The following ASTN2 variants were observed in gnomAD, a reference collection of about 807,000 sequenced individuals.
ASTN2 encodes the protein astrotactin-2.
In ASTN2, 54 loss-of-function variants were observed where a neutral mutation model predicts 139.8. The ratio of observed to expected loss-of-function variants is 0.39; its 90% CI spans 0.31 to 0.48. The LOEUF is 0.48. Among genes scored for constraint, ASTN2 ranks in the 20% least tolerant of loss-of-function variants. The probability of loss-of-function intolerance (pLI) is 0.95; values close to 1 mark genes in which losing one functional copy is unlikely to be tolerated. For synonymous variants in ASTN2, 756 were observed against 719.5 expected (o/e 1.05, Z -0.81); for missense variants, 1,565 against 1,725.1 (o/e 0.91, Z 1.64).
At chr9:116,539,142 ATC>A (rs1000361175) in intron 19 of ASTN2, among the ~76,000 whole-genome samples, 5 of 152,188 alleles carry the variant, frequency 3.3e-5, no homozygotes, top group African/African-American at 9.7e-5. Flanking sequence ...GAGTAGGCAA[ATC>A]AACAAAGACA....
At chr9:116,453,277 T>C (rs955191687) in intron 20 of ASTN2, among the ~76,000 whole-genome samples, 26 of 152,120 alleles carry the variant, frequency 1.7e-4, no homozygotes, top group African/African-American at 6.3e-4. Context: ...GAGTCAACAA[T>C]ACTTGCCTCA....
intron 2 of ASTN2, among the ~76,000 whole-genome samples, chr9:117,273,595 A>G (rs550387071): frequency 3.9e-5 from 6 of 152,336 alleles, no homozygotes; most frequent in Non-Finnish European, 7.3e-5. Context: ...AGCAGCCAAA[A>G]AGACGGGGCC....
chr9:117,089,265 G>A (rs1391044551), intron 5 of ASTN2, among the ~76,000 whole-genome samples: 1 of 152,200 alleles, frequency 6.6e-6, no homozygotes, highest in Non-Finnish European at 1.5e-5. Flanking sequence ...TAATGGTGAG[G>A]TGTGGACTTG....
intron 17 of ASTN2, among the ~76,000 whole-genome samples, chr9:116,643,551 T>C (rs887956508): frequency 6.6e-6 from 1 of 152,216 alleles, no homozygotes; most frequent in Admixed American, 6.5e-5. Context: ...CTTTGAAATC[T>C]TACAGACCTG....
At chr9:116,731,991 C>T (rs1374459728) in intron 14 of ASTN2, among the ~76,000 whole-genome samples, 1 of 152,058 alleles carries the variant, frequency 6.6e-6, no homozygotes, top group Non-Finnish European at 1.5e-5. Flanking sequence ...CATGTTAGCT[C>T]CGAAATTTTA....
At chr9:117,023,748 T>C (rs769959766) in intron 6 of ASTN2, among the ~76,000 whole-genome samples, 25 of 152,314 alleles carry the variant, frequency 1.6e-4, no homozygotes, top group South Asian at 4.1e-4. Flanking sequence ...ATACCTAGCA[T>C]ACTGCCTGGC....
At chr9:116,467,359 C>T (rs1461060309) in intron 20 of ASTN2, among the ~76,000 whole-genome samples, 2 of 152,174 alleles carry the variant, frequency 1.3e-5, no homozygotes, top group Non-Finnish European at 2.9e-5. Flanking sequence ...CTCCCCCTCC[C>T]GGGTTCAAGC....
At chr9:116,882,617 T>G (rs1833478087) in intron 10 of ASTN2, among the ~76,000 whole-genome samples, 1 of 152,038 alleles carries the variant, frequency 6.6e-6, no homozygotes, top group Non-Finnish European at 1.5e-5. Context: ...AAATCTTGAG[T>G]GTAAACTATT....
At chr9:116,802,768 C>T (rs1830896945) in intron 13 of ASTN2, among the ~76,000 whole-genome samples, 1 of 152,220 alleles carries the variant, frequency 6.6e-6, no homozygotes, top group Non-Finnish European at 1.5e-5. Flanking sequence ...TTATGCTTCT[C>T]ATGGGTGGGG....
At chr9:117,252,296 G>T (rs1489581889) in intron 2 of ASTN2, among the ~76,000 whole-genome samples, 1 of 152,212 alleles carries the variant, frequency 6.6e-6, no homozygotes, top group Non-Finnish European at 1.5e-5. Flanking sequence ...GAACTCTGGA[G>T]GCAAAACTAA....
intron 2 of ASTN2, among the ~76,000 whole-genome samples, chr9:117,237,637 G>A (rs189426039): frequency 2.2e-3 from 340 of 152,080 alleles, no homozygotes; most frequent in African/African-American, 7.9e-3. Context: ...ATGCCATCAC[G>A]CCCCGCTAAT....
intron 20 of ASTN2, among the ~76,000 whole-genome samples, chr9:116,470,494 T>A (rs1440276935): frequency 6.6e-6 from 1 of 152,208 alleles, no homozygotes; most frequent in Non-Finnish European, 1.5e-5. Context: ...TTCTTTGGGC[T>A]TTGGTTTTCT....
intron 10 of ASTN2, among the ~76,000 whole-genome samples, chr9:116,960,125 G>A (rs1835834853): frequency 2.6e-5 from 4 of 152,106 alleles, no homozygotes; most frequent in Admixed American, 2.6e-4. Context: ...TGGAGGAGAG[G>A]AGGTGTTGTC....
intron 19 of ASTN2, among the ~76,000 whole-genome samples, chr9:116,492,700 G>C (rs773632401): frequency 1.3e-5 from 2 of 152,160 alleles, no homozygotes; most frequent in Non-Finnish European, 2.9e-5. Flanking sequence ...GTGATATACA[G>C]TCCCTGGGCA....
intron 19 of ASTN2, chr9:116,582,180 G>C (rs929163001): frequency 6.6e-6 from 1 of 152,214 alleles, no homozygotes; most frequent in South Asian, 2.1e-4. Flanking sequence ...GCAGGACCTA[G>C]GATCAGTCCT....
At chr9:116,538,731 T>C (rs1328694046) in intron 19 of ASTN2, among the ~76,000 whole-genome samples, 1 of 152,176 alleles carries the variant, frequency 6.6e-6, no homozygotes, top group African/African-American at 2.4e-5. Context: ...ATCCTACAAG[T>C]GATGATGCCA....
chr9:116,812,167 T>C (rs1406793843), intron 12 of ASTN2, among the ~76,000 whole-genome samples: 1 of 152,196 alleles, frequency 6.6e-6, no homozygotes, highest in African/African-American at 2.4e-5. Flanking sequence ...ATATATGACC[T>C]GGTTTGCTCC....
At chr9:116,619,664 C>A (rs1250397438) in intron 18 of ASTN2, among the ~76,000 whole-genome samples, 3 of 149,064 alleles carry the variant, frequency 2.0e-5, no homozygotes, top group Non-Finnish European at 1.5e-5. Flanking sequence ...GCTGGGACTA[C>A]AGGCATGTGC....
intron 5 of ASTN2, among the ~76,000 whole-genome samples, chr9:117,079,495 A>T (rs1015935701): frequency 6.6e-6 from 1 of 152,190 alleles, no homozygotes; most frequent in African/African-American, 2.4e-5. Flanking sequence ...TACCATGCAG[A>T]TAGGGTTGGG....
Sources: allele counts gnomAD v4.1 joint callset (sites outside exome capture counted in the v4.1 genomes callset), GRCh38; gene constraint gnomAD v4.1.1; transcripts MANE v1.5; gene names NCBI Gene and HGNC (gene_info 2026-07-23, HGNC 2026-07-21).